The following ZFAND3 variants were observed in gnomAD, a reference collection of about 807,000 sequenced individuals.
ZFAND3 encodes the protein zinc finger AN1-type containing 3.
In ZFAND3, 10 loss-of-function variants were observed where a neutral mutation model predicts 29.6. That is an observed-to-expected ratio of 0.34 (90% CI 0.21 to 0.57). ZFAND3 has a LOEUF of 0.57. Ranked by LOEUF, ZFAND3 falls within the 20% of genes least tolerant of loss-of-function variation. The pLI is 0.86. For synonymous variants in ZFAND3, 128 were observed against 112.6 expected (o/e 1.14, Z -0.87); for missense variants, 230 against 304.5 (o/e 0.76, Z 1.82).
chr6:37,853,278 G>A (rs948673623), intron 1 of ZFAND3, among the ~76,000 whole-genome samples: 2 of 152,068 alleles, frequency 1.3e-5, no homozygotes, highest in African/African-American at 4.8e-5. Flanking sequence ...GGAAGATCAG[G>A]CTTGGATGGG....
At chr6:37,832,236 G>T (rs935190795) in intron 1 of ZFAND3, among the ~76,000 whole-genome samples, 4 of 152,134 alleles carry the variant, frequency 2.6e-5, no homozygotes, top group African/African-American at 7.2e-5. Flanking sequence ...TGAAGAGGGG[G>T]CTTAAGTTTA....
intron 2 of ZFAND3, among the ~76,000 whole-genome samples, chr6:38,044,917 A>G (rs976315529): frequency 4.6e-5 from 7 of 152,114 alleles, no homozygotes; most frequent in Admixed American, 1.3e-4. Context: ...TATTGTAGCT[A>G]GCCTCCAAAG....
chr6:37,889,162 A>G (rs1224733214), intron 1 of ZFAND3, among the ~76,000 whole-genome samples: 3 of 152,230 alleles, frequency 2.0e-5, no homozygotes, highest in Non-Finnish European at 4.4e-5. Flanking sequence ...ACCTCTGAGC[A>G]TGCCCTCCTC....
At chr6:38,060,414 T>G (rs555592947) in intron 2 of ZFAND3, among the ~76,000 whole-genome samples, 3 of 151,552 alleles carry the variant, frequency 2.0e-5, no homozygotes, top group Non-Finnish European at 4.4e-5. Flanking sequence ...TTCTTGGTTC[T>G]TTTTTTTCCT....
chr6:38,126,662 A>AT (rs145795972), intron 5 of ZFAND3, among the ~76,000 whole-genome samples: 4 of 152,096 alleles, frequency 2.6e-5, no homozygotes, highest in Non-Finnish European at 5.9e-5. Context: ...TGTTGAACAT[A>AT]TTTTTTATAT....
intron 1 of ZFAND3, among the ~76,000 whole-genome samples, chr6:37,852,567 T>G (rs1764300719): frequency 6.6e-6 from 1 of 152,192 alleles, no homozygotes; most frequent in Non-Finnish European, 1.5e-5. Context: ...CCTTCTTATT[T>G]CTTCTCTTTT....
intron 2 of ZFAND3, among the ~76,000 whole-genome samples, chr6:38,008,814 T>C (rs938619184): frequency 1.3e-5 from 2 of 152,134 alleles, no homozygotes; most frequent in African/African-American, 2.4e-5. Flanking sequence ...TTGTAAGACC[T>C]AGTTGAAGAG....
Position 37,904,739 on chromosome 6 carries a change from T to C in ZFAND3, c.72-25220T>C, listed in dbSNP as rs531343053. Among the ~76,000 whole-genome samples, 29 of 152,332 alleles carry C rather than the reference T, an allele frequency of 1.9e-4. 1 individual carries two copies. The highest frequency in any genetic ancestry group is 1.8e-3 in the Admixed American group (27 of 15,294). ...CCATAGTAGCCTGCTTAGTGACTCA[T>C]GTCCCTGCTAATAATAAGTATTGTG... On this transcript the variant is annotated intron_variant, in intron 1 of 5. Transcript: ENST00000287218.
intron 3 of ZFAND3, among the ~76,000 whole-genome samples, chr6:38,064,194 T>A (rs1764298003): frequency 1.3e-5 from 2 of 152,220 alleles, no homozygotes; most frequent in South Asian, 4.1e-4. Context: ...GGATCTCATC[T>A]GATGGAAACT....
chr6:38,141,164 A>T (rs967767498), intron 5 of ZFAND3, among the ~76,000 whole-genome samples: 11 of 152,228 alleles, frequency 7.2e-5, no homozygotes, highest in Non-Finnish European at 7.3e-5. Context: ...CTTCATTCTT[A>T]AAACAAGCAC....
intron 5 of ZFAND3, among the ~76,000 whole-genome samples, chr6:38,138,424 T>TTTG (rs1765884899): frequency 6.6e-6 from 1 of 152,134 alleles, no homozygotes; most frequent in Non-Finnish European, 1.5e-5. Flanking sequence ...TCAATTTTTT[T>TTTG]TTTTTAAATC....
chr6:38,010,904 CTTTT>C (rs35362297), intron 2 of ZFAND3, among the ~76,000 whole-genome samples: 2 of 131,086 alleles, frequency 1.5e-5, no homozygotes. Context: ...CCCGGCCCAA[CTTTT>C]TTTTTTTTTT....
intron 2 of ZFAND3, among the ~76,000 whole-genome samples, chr6:37,944,060 C>G (rs1297265784): frequency 1.3e-5 from 2 of 152,106 alleles, no homozygotes; most frequent in Admixed American, 1.3e-4. Context: ...GTTAGTCTTG[C>G]AGGTAAACAT....
At chr6:38,020,399 T>A (rs1426700238) in intron 2 of ZFAND3, among the ~76,000 whole-genome samples, 2 of 152,126 alleles carry the variant, frequency 1.3e-5, no homozygotes. Context: ...AAAAAAAACA[T>A]GTTTCAAATT....
chr6:37,913,061 C>A (rs183301507), intron 1 of ZFAND3, among the ~76,000 whole-genome samples: 1 of 152,162 alleles, frequency 6.6e-6, no homozygotes, highest in Non-Finnish European at 1.5e-5. Context: ...ATCATCCAAA[C>A]CTTCAGTGAA....
chr6:37,989,518 C>A (rs1005551214), intron 2 of ZFAND3, among the ~76,000 whole-genome samples: 1 of 152,140 alleles, frequency 6.6e-6, no homozygotes, highest in African/African-American at 2.4e-5. Context: ...AGAACTCTAC[C>A]TTCATGACCT....
chr6:37,941,351 CTCTTT>C (rs1761807265), intron 2 of ZFAND3, among the ~76,000 whole-genome samples: 2 of 152,272 alleles, frequency 1.3e-5, no homozygotes, highest in African/African-American at 4.8e-5. Flanking sequence ...TAGGAGTATT[CTCTTT>C]TCTTCTGCTC....
chr6:37,855,127 G>A (rs1764356852), intron 1 of ZFAND3, among the ~76,000 whole-genome samples: 1 of 150,424 alleles, frequency 6.6e-6, no homozygotes, highest in Admixed American at 6.6e-5. Context: ...GAGTCATTTT[G>A]GATTTTGTGG....
intron 1 of ZFAND3, among the ~76,000 whole-genome samples, chr6:37,865,286 G>A (rs916699268): frequency 1.3e-5 from 2 of 152,318 alleles, no homozygotes; most frequent in African/African-American, 2.4e-5. Context: ...CAATGTAAAT[G>A]TTGTATAAAT....
Sources: allele counts gnomAD v4.1 joint callset (sites outside exome capture counted in the v4.1 genomes callset), GRCh38; gene constraint gnomAD v4.1.1; transcripts MANE v1.5; gene names NCBI Gene and HGNC (gene_info 2026-07-23, HGNC 2026-07-21).